BPTF: variants seen among roughly 807,000 people sequenced by gnomAD.
The protein encoded by BPTF is bromodomain PHD finger transcription factor, also known as nucleosome-remodeling factor subunit BPTF.
Under a neutral mutation model 292.5 loss-of-function variants are expected in BPTF, and 18 were observed. That is an observed-to-expected ratio of 0.06 (90% CI 0.04 to 0.09). The LOEUF is 0.09. Ranked by LOEUF, BPTF falls within the 10% of genes least tolerant of loss-of-function variation. The pLI is 1.00. For missense variants in BPTF, 2,726 were observed against 3,498.7 expected, an observed-to-expected ratio of 0.78 and a Z score of 5.57; for synonymous variants, 1,225 against 1,251.9, an observed-to-expected ratio of 0.98 and a Z score of 0.45.
rs146204055 is a variant in BPTF at position 67,912,636 on chromosome 17, C to G, written c.4752C>G (p.Val1584=). Residue 1584 remains valine (V), a synonymous_variant, in exon 11 of 28, where the codon GTC becomes GTG. Coordinates refer to ENST00000306378, the MANE Select transcript of BPTF (RefSeq NM_182641.4). The stretch of plus-strand genomic sequence containing the variant: ...ATGGAGAATCTAAAAGAAAAACCGT[C>G]ATCACAGAAGTCACCACGATGACCT... ...NVNGESKRKT[V]ITEVTTMTST... is the part of the protein sequence containing the mutation. 592 of 1,613,050 alleles carry G rather than the reference C, an allele frequency of 3.7e-4. 2 individuals carry two copies. In the African/African-American group the frequency reaches 6.9e-3, roughly 19 times the overall value.
chr17:67,911,814 T>C lies in BPTF; in HGVS notation c.3930T>C (p.Asn1310=). The C allele has an allele frequency of 6.2e-7, 1 of 1,614,180 alleles. No individual in the cohort carries two copies. Among genetic ancestry groups the C allele is most frequent in the South Asian group, 1.1e-5 (1 of 91,088 alleles). ...GTGAAGAAGATATGATTGTTCAGAA[T>C]AGCAATGAAAGCATTTCTGAACAGT... The part of the protein sequence containing the change: ...DSSEEDMIVQ[N]SNESISEQFR... The change falls in exon 11 of 28, where the codon AAT becomes AAC. Residue 1310 remains asparagine, a synonymous_variant. Transcript: ENST00000306378.
chr17:67,947,992 G>T (rs1192289488), intron 22 of BPTF, 89 bp from the exon 23 acceptor site: 2 of 1,371,448 alleles, frequency 1.5e-6, no homozygotes, highest in Non-Finnish European at 2.0e-6. Context: ...GAAAGTTTTT[G>T]TCTCATCTGT....
At chr17:67,857,148 ATTTTTTTT>A (rs35727338) in intron 2 of BPTF, among the ~76,000 whole-genome samples, 7 of 97,638 alleles carry the variant, frequency 7.2e-5, no homozygotes, top group South Asian at 8.4e-4. Context: ...GTCTTTAACA[ATTTTTTTT>A]TTTTTTTTTT....
chr17:67,915,687 A>G (rs1167136179), intron 11 of BPTF, among the ~76,000 whole-genome samples: 1 of 151,930 alleles, frequency 6.6e-6, no homozygotes, highest in Admixed American at 6.6e-5. Context: ...AGCAACCCCC[A>G]TACTCTTAAC....
At chr17:67,867,443 A>G (rs1272765441) in intron 3 of BPTF, among the ~76,000 whole-genome samples, 1 of 152,254 alleles carries the variant, frequency 6.6e-6, no homozygotes, top group Non-Finnish European at 1.5e-5. Context: ...CTGTTATTAA[A>G]GTCTTAGATT....
intron 13 of BPTF, among the ~76,000 whole-genome samples, chr17:67,921,738 A>C (rs1169499274): frequency 6.6e-6 from 1 of 152,090 alleles, no homozygotes; most frequent in Non-Finnish European, 1.5e-5. Context: ...ATTTTAGCTT[A>C]CTTAAAACAG....
chr17:67,948,077 C>T lies in BPTF; in HGVS notation c.7701-4C>T. On this transcript the variant is annotated splice_region_variant and splice_polypyrimidine_tract_variant and intron_variant, in intron 22 of 27. Coordinates refer to ENST00000306378, the MANE Select transcript of BPTF (RefSeq NM_182641.4). ...CATTACATAGGTTGTGTATTTTTCT[C>T]TAGAATGATTGTCTGTAACCAGGTG... is the stretch of plus-strand genomic sequence containing the variant. 5.0e-6 allele frequency: 8 copies of T among 1,610,422 alleles called. No individual in the cohort carries two copies. The highest frequency in any genetic ancestry group is 6.8e-6 in the Non-Finnish European group (8 of 1,176,942).
chr17:67,878,021 G>C (rs865915562), intron 4 of BPTF, among the ~76,000 whole-genome samples: 2 of 152,182 alleles, frequency 1.3e-5, no homozygotes, highest in Middle Eastern at 3.2e-3. Flanking sequence ...TAACACATCT[G>C]TGTTACCATA....
rs1555682625 is a variant in BPTF, at chr17:67,959,573, A to G, written c.7959A>G (p.Lys2653=). Reference sequence around the variant, plus strand: ...TGAAGAGAGACCTGAAAATTAAGAAAGAAAAAGACCTGATGCAGTTGGCTC... The same window carrying G: ...TGAAGAGAGACCTGAAAATTAAGAAGGAAAAAGACCTGATGCAGTTGGCTC... The part of the protein sequence containing the change: ...EELKRDLKIK[K]EKDLMQLAQA... The change falls in exon 24 of 28, where the codon AAA becomes AAG. Residue 2653 remains lysine, a synonymous_variant. Transcript: ENST00000306378. The G allele has an allele frequency of 1.3e-6, 2 of 1,528,460 alleles. No individual in the cohort carries two copies. Among genetic ancestry groups the G allele is most frequent in the South Asian group, 1.3e-5 (1 of 75,250 alleles). The allele number at this position is 1,528,460 out of a possible 1,614,324, so 94.7% of individuals were successfully genotyped here.
rs758556201 is a variant in BPTF, at chr17:67,928,462, C to T, written c.5859C>T (p.Pro1953=). Residue 1953 remains proline, a synonymous_variant, in exon 16 of 28, where the codon CCC becomes CCT. Coordinates refer to ENST00000306378, the MANE Select transcript of BPTF (RefSeq NM_182641.4). ...ISPAQKVMVA[P]ISGSVTTGTK... ...CAGCACAGAAGGTTATGGTGGCCCC[C>T]ATAAGTGGCTCAGTTACAACTGGAA... 4 of 1,614,036 alleles carry T rather than the reference C, an allele frequency of 2.5e-6. No individual in the cohort carries two copies. The African/African-American group carries it at 5.3e-5, about 22-fold the overall frequency.
chr17:67,972,060 C>A (rs1182476880), intron 26 of BPTF, among the ~76,000 whole-genome samples: 1 of 152,058 alleles, frequency 6.6e-6, no homozygotes, highest in African/African-American at 2.4e-5. Flanking sequence ...TTTACCACTA[C>A]TCCTATAGTG....
intron 1 of BPTF, among the ~76,000 whole-genome samples, chr17:67,842,407 A>G (rs1200581340): frequency 2.0e-5 from 3 of 152,000 alleles, no homozygotes; most frequent in Non-Finnish European, 2.9e-5. Flanking sequence ...AGTTTCCCCA[A>G]CTTTCCCCTA....
intron 3 of BPTF, among the ~76,000 whole-genome samples, chr17:67,868,123 A>C (rs1048697318): frequency 1.5e-4 from 23 of 152,160 alleles, no homozygotes; most frequent in African/African-American, 5.3e-4. Flanking sequence ...TTATAATTCA[A>C]TGTCACCTTA....
chr17:67,904,710 A>G lies in BPTF; in HGVS notation c.2682A>G (p.Lys894=), dbSNP rs1598549187. The G allele has an allele frequency of 6.2e-7, 1 of 1,602,810 alleles. No individual in the cohort carries two copies. The highest frequency in any genetic ancestry group is 2.2e-5 in the East Asian group (1 of 44,524). The change falls in exon 9 of 28, where the codon AAA becomes AAG. Residue 894 remains lysine, a synonymous_variant. Coordinates refer to ENST00000306378, the MANE Select transcript of BPTF (RefSeq NM_182641.4). ...GTTTTCATTTACACCAGGTTTGGAA[A>G]CAAAAAGGTGAAGAGTACAGAGTGA... ...YTFPVKHQVW[K]QKGEEYRVTG...
In BPTF at chr17:67,853,981, T is replaced by C. The variant is rs781118428; in HGVS notation, c.655T>C (p.Leu219=). The C allele has an allele frequency of 2.5e-6, 4 of 1,614,120 alleles. No homozygotes were observed. Among genetic ancestry groups the C allele is most frequent in the South Asian group, 1.1e-5 (1 of 91,082 alleles). ...PRVHRPRSPI[L]EEKDIPPLEF... The stretch of plus-strand genomic sequence containing the variant: ...AGTACATCGGCCTCGTTCTCCTATA[T>C]TGGAAGAAAAAGACATCCCGCCCCT... Residue 219 remains leucine, a synonymous_variant, in exon 2 of 28, where the codon TTG becomes CTG. Transcript: ENST00000306378.
In BPTF at chr17:67,923,471, C is replaced by CTT. The variant is rs58462646; in HGVS notation, c.5708+509_5708+510dup. On this transcript the variant is annotated intron_variant, in intron 14 of 27. Coordinates refer to ENST00000306378, the MANE Select transcript of BPTF (RefSeq NM_182641.4). ...GTTTAGTAAGGTCCTCTCTCTCTGT[C>CTT]TTTTTTTTTTTTTTTTTTTTTTTTT... is the stretch of plus-strand genomic sequence containing the variant. Among the ~76,000 whole-genome samples, 343 of 67,516 alleles carry CTT rather than the reference C, an allele frequency of 5.1e-3. 80 individuals carry two copies. Among genetic ancestry groups the CTT allele is most frequent in the South Asian group, 0.015 (23 of 1,514 alleles). 44.3% of individuals were successfully genotyped at this position (67,516 alleles called of 152,430 possible). A position where few individuals can be genotyped will look rare whatever the true frequency, so the allele number is the denominator to read the frequency against.
intron 2 of BPTF, 23 bp from the exon 3 acceptor site, chr17:67,866,441 T>G (rs1313005624): frequency 1.3e-6 from 2 of 1,531,892 alleles, no homozygotes; most frequent in Admixed American, 1.7e-5. Flanking sequence ...ACATATAAAG[T>G]ATTTCCCCCC....
intron 2 of BPTF, among the ~76,000 whole-genome samples, chr17:67,859,889 A>G (rs1443028875): frequency 6.6e-6 from 1 of 152,246 alleles, no homozygotes; most frequent in African/African-American, 2.4e-5. Context: ...CGATAATTAC[A>G]TAAATGCAGA....
Position 67,854,235 on chromosome 17 carries a change from T to G in BPTF, c.909T>G (p.Thr303=). Residue 303 remains threonine (T), a synonymous_variant, in exon 2 of 28, where the codon ACT becomes ACG. Transcript: ENST00000306378. The surrounding 1 kb of genome is among the most constrained non-coding windows in gnomAD (Gnocchi z 5.6). ...TGCGTGAAGAAGACACTTCCAATACTACCTTTGGACCTGCTGATCTGAAAG... is the reference window on the plus strand; with the variant it reads ...TGCGTGAAGAAGACACTTCCAATACGACCTTTGGACCTGCTGATCTGAAAG... ...AVLREEDTSN[T]TFGPADLKDS... The G allele has an allele frequency of 1.2e-6, 2 of 1,614,218 alleles. No homozygotes were observed. The highest frequency in any genetic ancestry group is 2.7e-5 in the African/African-American group (2 of 75,048).
Sources: gnomAD v4.1 joint callset for allele counts (sites outside exome capture counted in the v4.1 genomes callset) on GRCh38, gnomAD v4.1.1 for gene constraint, Gnocchi (gnomAD v3.1) non-coding constraint, MANE v1.5 for transcripts, NCBI Gene and HGNC (gene_info 2026-07-23, HGNC 2026-07-21) for gene names.